The following CRPPA variants were observed in gnomAD, a reference collection of about 807,000 sequenced individuals.
CRPPA encodes the protein CDP-L-ribitol pyrophosphorylase A.
Under a neutral mutation model 52.0 loss-of-function variants are expected in CRPPA, and 43 were observed. That is an observed-to-expected ratio of 0.83 (90% CI 0.65 to 1.07). The LOEUF (loss-of-function observed/expected upper bound fraction) is 1.07. CRPPA is among the 50% of genes least tolerant of loss of function. CRPPA has a pLI of 0.00. For missense variants in CRPPA, 629 were observed against 551.7 expected (o/e 1.14, Z -1.40); for synonymous variants, 250 against 203.5 (o/e 1.23, Z -1.94).
At chr7:16,121,361 T>C (rs7787953) in intron 9 of CRPPA, among the ~76,000 whole-genome samples, 5,824 of 152,068 alleles carry the variant, frequency 0.038, 332 homozygotes, top group East Asian at 0.3. Context: ...CACACCTCCA[T>C]AGCATGTATA....
At chr7:16,399,577 G>T (rs757306932) in intron 2 of CRPPA, among the ~76,000 whole-genome samples, 1 of 151,902 alleles carries the variant, frequency 6.6e-6, no homozygotes, top group Non-Finnish European at 1.5e-5. Flanking sequence ...TTTGTGACAT[G>T]TGACAAGCGA....
At chr7:16,184,997 A>C (rs1275492422) in intron 9 of CRPPA, among the ~76,000 whole-genome samples, 2 of 152,234 alleles carry the variant, frequency 1.3e-5, no homozygotes, top group Non-Finnish European at 2.9e-5. Context: ...AATGGGATAG[A>C]CTGGCAAAAG....
intron 9 of CRPPA, among the ~76,000 whole-genome samples, chr7:16,115,136 T>C (rs1041804363): frequency 3.3e-5 from 5 of 152,082 alleles, no homozygotes; most frequent in African/African-American, 1.2e-4. Flanking sequence ...AAATGTACTA[T>C]AAATAAAGAA....
chr7:16,175,404 A>C (rs1781273583), intron 9 of CRPPA, among the ~76,000 whole-genome samples: 1 of 152,150 alleles, frequency 6.6e-6, no homozygotes, highest in Non-Finnish European at 1.5e-5. Context: ...ACTTGTTTTT[A>C]AAATAAATAA....
At chr7:16,163,721 C>T (rs1780975488) in intron 9 of CRPPA, among the ~76,000 whole-genome samples, 1 of 152,120 alleles carries the variant, frequency 6.6e-6, no homozygotes, top group Non-Finnish European at 1.5e-5. Flanking sequence ...GTGGTGACAA[C>T]ATCCCTCGGC....
intron 3 of CRPPA, among the ~76,000 whole-genome samples, chr7:16,345,910 T>A (rs1322581402): frequency 6.6e-6 from 1 of 152,206 alleles, no homozygotes; most frequent in Non-Finnish European, 1.5e-5. Context: ...CATTAAGTTA[T>A]AAAAGCTTTT....
chr7:16,280,163 T>G (rs1201222484), intron 5 of CRPPA, among the ~76,000 whole-genome samples: 1 of 152,200 alleles, frequency 6.6e-6, no homozygotes, highest in Non-Finnish European at 1.5e-5. Context: ...AAGATGAGAT[T>G]TGGGTGGGGA....
intron 3 of CRPPA, among the ~76,000 whole-genome samples, chr7:16,331,399 G>T (rs976496557): frequency 2.6e-5 from 4 of 151,872 alleles, no homozygotes; most frequent in Admixed American, 6.6e-5. Flanking sequence ...CATTACTAAG[G>T]GTATATTTAC....
chr7:16,320,693 T>C (rs1785245070), intron 3 of CRPPA, among the ~76,000 whole-genome samples: 1 of 152,154 alleles, frequency 6.6e-6, no homozygotes, highest in Non-Finnish European at 1.5e-5. Context: ...AGAAACAAAA[T>C]AGACAATCTT....
intron 2 of CRPPA, among the ~76,000 whole-genome samples, chr7:16,397,463 ATG>A (rs1168882398): frequency 6.6e-6 from 1 of 152,238 alleles, no homozygotes; most frequent in Non-Finnish European, 1.5e-5. Flanking sequence ...GACACGTGAC[ATG>A]TGACTCATAG....
intron 5 of CRPPA, among the ~76,000 whole-genome samples, chr7:16,293,547 G>T (rs1374898737): frequency 6.6e-6 from 1 of 151,912 alleles, no homozygotes; most frequent in Non-Finnish European, 1.5e-5. Flanking sequence ...GCAATAGGAA[G>T]CTATTAGACT....
At chr7:16,166,279 C>T (rs1352154655) in intron 9 of CRPPA, among the ~76,000 whole-genome samples, 1 of 150,622 alleles carries the variant, frequency 6.6e-6, no homozygotes, top group African/African-American at 2.5e-5. Flanking sequence ...ACTGGTACAG[C>T]CTAAACTTTT....
At chr7:16,149,605 A>G (rs1562526977) in intron 9 of CRPPA, among the ~76,000 whole-genome samples, 2 of 152,246 alleles carry the variant, frequency 1.3e-5, no homozygotes, top group Non-Finnish European at 2.9e-5. Context: ...GATATTATGT[A>G]GCATGCCTCT....
intron 6 of CRPPA, among the ~76,000 whole-genome samples, chr7:16,261,591 A>G (rs1783801950): frequency 7.7e-6 from 1 of 130,062 alleles, no homozygotes. Context: ...GTTGTTTTGG[A>G]GCAATTTTTT....
chr7:16,326,167 T>C (rs1377309064), intron 3 of CRPPA, among the ~76,000 whole-genome samples: 1 of 152,040 alleles, frequency 6.6e-6, no homozygotes, highest in Non-Finnish European at 1.5e-5. Context: ...CCTCCCTGGA[T>C]AATAAATATT....
At chr7:16,174,861 A>T (rs181693300) in intron 9 of CRPPA, among the ~76,000 whole-genome samples, 3 of 152,298 alleles carry the variant, frequency 2.0e-5, no homozygotes, top group Admixed American at 2.0e-4. Flanking sequence ...TCAATTTAAG[A>T]TCAAAATAAT....
Position 16,089,259 on chromosome 7 carries a change from C to T in CRPPA, c.*2436G>A, listed in dbSNP as rs554081023. 4.2e-5 allele frequency: 14 copies of T among 331,074 alleles called. No homozygotes were observed. The East Asian group carries it at 4.6e-4, about 11-fold the overall frequency. The allele number at this position is 331,074 out of a possible 1,614,324, so 20.5% of individuals were successfully genotyped here. A position where few individuals can be genotyped will look rare whatever the true frequency, so the allele number is the denominator to read the frequency against. On this transcript the variant is annotated 3_prime_UTR_variant, in exon 10 of 10. Coordinates refer to ENST00000407010, the MANE Select transcript of CRPPA (RefSeq NM_001101426.4). ...ACGTATATACATATATGTGTGTATG[C>T]GTACGTATATACATATATGTGTGTA...
chr7:16,212,170 G>C (rs1782166018), intron 9 of CRPPA, among the ~76,000 whole-genome samples: 1 of 152,060 alleles, frequency 6.6e-6, no homozygotes, highest in Non-Finnish European at 1.5e-5. Context: ...CTAAGGGAGA[G>C]GGTAAGAGAG....
Position 16,278,206 on chromosome 7 carries a change from A to G in CRPPA, c.856T>C (p.Cys286Arg). The change falls in exon 6 of 10, where the codon TGT (cysteine) becomes CGT (arginine). Residue 286 changes from cysteine (C) to arginine (R), a missense_variant. Transcript: ENST00000407010. The part of the protein sequence containing the change: ...IIKERISQEI[C>R]VVMDTEEDNK... ...TCTTCTTCTGTATCCATAACTACAC[A>G]AATCTCTTGGGAAATTCTCTCTGAA... is the stretch of plus-strand genomic sequence containing the variant. The G allele has an allele frequency of 6.4e-7, 1 of 1,564,604 alleles. No individual in the cohort carries two copies. The highest frequency in any genetic ancestry group is 8.7e-7 in the Non-Finnish European group (1 of 1,149,712).
Sources: gnomAD v4.1 joint callset for allele counts (sites outside exome capture counted in the v4.1 genomes callset) on GRCh38, gnomAD v4.1.1 for gene constraint, MANE v1.5 for transcripts, NCBI Gene and HGNC (gene_info 2026-07-23, HGNC 2026-07-21) for gene names.